The following SLC6A15 variants were observed in gnomAD, a reference collection of about 807,000 sequenced individuals.
The protein encoded by SLC6A15 is solute carrier family 6 member 15.
SLC6A15 carries 33 observed loss-of-function variants against 68.5 expected under a neutral mutation model. The observed-to-expected ratio is 0.48, with a 90% CI of 0.37 to 0.64. SLC6A15 has a LOEUF of 0.64. SLC6A15 is among the 30% of genes least tolerant of loss of function. The pLI, the probability that SLC6A15 is intolerant of heterozygous loss-of-function variation, is 0.00. For synonymous variants in SLC6A15, 347 were observed against 301.0 expected, an observed-to-expected ratio of 1.15 and a Z score of -1.58; for missense variants, 747 against 874.3, an observed-to-expected ratio of 0.85 and a Z score of 1.84.
chr12:84,909,938 G>C (rs1219004284), intron 1 of SLC6A15, among the ~76,000 whole-genome samples: 1 of 152,086 alleles, frequency 6.6e-6, no homozygotes, highest in Non-Finnish European at 1.5e-5. Flanking sequence ...TGATCACTGG[G>C]TAAGGTAGTA....
At chr12:84,890,322 T>C (rs931138589) in intron 2 of SLC6A15, among the ~76,000 whole-genome samples, 6 of 152,172 alleles carry the variant, frequency 3.9e-5, no homozygotes, top group African/African-American at 1.2e-4. Context: ...ACAGAAATTG[T>C]ACTAAATGGA....
chr12:84,868,407 G>A (rs1034514661), intron 9 of SLC6A15, among the ~76,000 whole-genome samples: 4 of 152,262 alleles, frequency 2.6e-5, no homozygotes, highest in African/African-American at 7.2e-5. Context: ...TAAGTAATGT[G>A]CTTAAATTCT....
At chr12:84,895,339 ATTTTT>A (rs67339994) in intron 1 of SLC6A15, among the ~76,000 whole-genome samples, 6 of 54,784 alleles carry the variant, frequency 1.1e-4, no homozygotes, top group African/African-American at 3.4e-4. Flanking sequence ...TTTTGTTTGT[ATTTTT>A]TTTTTTTTTT....
At chr12:84,867,369 G>A (rs1307091100) in intron 9 of SLC6A15, 176 bp from the exon 10 acceptor site, 1 of 395,338 alleles carries the variant, frequency 2.5e-6, no homozygotes. Flanking sequence ...GGTTACCTGG[G>A]TGTAGCCTCA....
In SLC6A15 at chr12:84,872,689, T is replaced by A. The variant is rs1365265650; in HGVS notation, c.1215A>T (p.Leu405Phe). 1 of 1,612,824 alleles carries A rather than the reference T, an allele frequency of 6.2e-7. No individual in the cohort carries two copies. Among genetic ancestry groups the A allele is most frequent in the East Asian group, 2.2e-5 (1 of 44,776 alleles). Residue 405 changes from leucine (L) to phenylalanine (F), a missense_variant, in exon 8 of 12, where the codon TTA becomes TTT. Transcript: ENST00000266682. The stretch of plus-strand genomic sequence containing the variant: ...TCACTTTTTGAATGATGTCATAAAC[T>A]AAATGATAATCTTCTGCAGTAACAG... ...LSTVTAEDYH[L>F]VYDIIQKVKE...
chr12:84,890,378 G>A (rs965448674), intron 2 of SLC6A15, among the ~76,000 whole-genome samples: 2 of 152,166 alleles, frequency 1.3e-5, no homozygotes, highest in Non-Finnish European at 2.9e-5. Context: ...CCTTAATAGT[G>A]TGGTCAATAC....
Position 84,894,693 on chromosome 12 carries a change from C to A in SLC6A15, c.-188-2385G>T, listed in dbSNP as rs1486050036. Among the ~76,000 whole-genome samples, 6 of 152,218 alleles carry A rather than the reference C, an allele frequency of 3.9e-5. No homozygotes were observed. The East Asian group carries it at 1.2e-3, about 29-fold the overall frequency. ...AAATAAAAGGTAATACCTTTGGCTA[C>A]TACTGCATGTTTTTTACACACCAAG... is the stretch of plus-strand genomic sequence containing the variant. On this transcript the variant is annotated intron_variant, in intron 1 of 11. Coordinates refer to ENST00000266682, the MANE Select transcript of SLC6A15 (RefSeq NM_182767.6).
intron 1 of SLC6A15, among the ~76,000 whole-genome samples, chr12:84,906,690 C>T (rs1592617614): frequency 1.3e-5 from 2 of 152,132 alleles, no homozygotes; most frequent in African/African-American, 4.8e-5. Context: ...AAAAAAATAG[C>T]TCTTTCAACA....
chr12:84,865,735 T>C (rs536061471), intron 10 of SLC6A15, among the ~76,000 whole-genome samples: 62 of 152,346 alleles, frequency 4.1e-4, no homozygotes, highest in African/African-American at 1.4e-3. Context: ...CATATGTGAC[T>C]TTTTTCACTA....
At chr12:84,868,570 A>G (rs1871159037) in intron 9 of SLC6A15, among the ~76,000 whole-genome samples, 1 of 152,166 alleles carries the variant, frequency 6.6e-6, no homozygotes, top group South Asian at 2.1e-4. Context: ...TTTGCTGGAG[A>G]TGTGAGGGAA....
At chr12:84,899,632 G>C (rs1272530343) in intron 1 of SLC6A15, among the ~76,000 whole-genome samples, 1 of 152,058 alleles carries the variant, frequency 6.6e-6, no homozygotes, top group African/African-American at 2.4e-5. Context: ...TCTAAAGCTT[G>C]CAAAGAACCC....
At chr12:84,871,202 A>G (rs1181128965) in intron 8 of SLC6A15, among the ~76,000 whole-genome samples, 1 of 151,794 alleles carries the variant, frequency 6.6e-6, no homozygotes, top group Non-Finnish European at 1.5e-5. Flanking sequence ...CTGCAAATGC[A>G]AAATAAAAGG....
In SLC6A15 at chr12:84,904,460, A is replaced by G. The variant is rs143362400; in HGVS notation, c.-189+8063T>C. ...AGAATGGTTTGTTGTGTAGCAATAG[A>G]TATCTGAAACATTTGTCTATGGATA... On this transcript the variant is annotated intron_variant, in intron 1 of 11. Coordinates refer to ENST00000266682, the MANE Select transcript of SLC6A15 (RefSeq NM_182767.6). 3.3e-5 allele frequency among the ~76,000 whole-genome samples: 5 copies of G among 152,324 alleles called. No individual in the cohort carries two copies. The East Asian group carries it at 5.8e-4, about 18-fold the overall frequency.
intron 1 of SLC6A15, among the ~76,000 whole-genome samples, chr12:84,908,612 A>ATG (rs1440852539): frequency 6.7e-6 from 1 of 149,094 alleles, no homozygotes; most frequent in Non-Finnish European, 1.5e-5. Flanking sequence ...ATATATATAT[A>ATG]TATATATATA....
intron 6 of SLC6A15, 74 bp downstream of exon 6, chr12:84,876,423 A>G: frequency 2.5e-6 from 2 of 795,126 alleles, no homozygotes; most frequent in Non-Finnish European, 4.0e-6. Flanking sequence ...TTCCTTAAAT[A>G]TAACTTAGAA....
chr12:84,877,810 T>G (rs1020171616), intron 5 of SLC6A15, among the ~76,000 whole-genome samples: 2 of 152,172 alleles, frequency 1.3e-5, no homozygotes, highest in African/African-American at 4.8e-5. Context: ...ACTTAGCACT[T>G]TTCAAATTTT....
At chr12:84,899,096 T>G (rs1482432622) in intron 1 of SLC6A15, among the ~76,000 whole-genome samples, 1 of 152,162 alleles carries the variant, frequency 6.6e-6, no homozygotes, top group Admixed American at 6.6e-5. Flanking sequence ...AAATACTAGC[T>G]GCAACTTGTT....
At chr12:84,882,298 T>A (rs1943699817) in intron 5 of SLC6A15, 2 of 985,260 alleles carry the variant, frequency 2.0e-6, no homozygotes, top group Non-Finnish European at 2.4e-6. Context: ...GTGACGGGAA[T>A]GTGGCTCTGA....
intron 10 of SLC6A15, among the ~76,000 whole-genome samples, chr12:84,864,406 T>A (rs1404381585): frequency 6.7e-6 from 1 of 148,684 alleles, no homozygotes; most frequent in Non-Finnish European, 1.5e-5. Context: ...TGCAACCTCA[T>A]CTTCCCAGGT....
Sources: gnomAD v4.1 joint callset for allele counts (sites outside exome capture counted in the v4.1 genomes callset) on GRCh38, gnomAD v4.1.1 for gene constraint, MANE v1.5 for transcripts, NCBI Gene and HGNC (gene_info 2026-07-23, HGNC 2026-07-21) for gene names.